The following APP variants were observed in gnomAD, a reference collection of about 807,000 sequenced individuals.
APP encodes the protein amyloid beta precursor protein.
In APP, 31 loss-of-function variants were observed where a neutral mutation model predicts 101.4. The observed-to-expected ratio is 0.31, with a 90% CI of 0.23 to 0.41. APP has a LOEUF of 0.41. Ranked by LOEUF, APP falls within the 10% of genes least tolerant of loss-of-function variation. The probability of loss-of-function intolerance (pLI) is 1.00; values close to 1 mark genes in which losing one functional copy is unlikely to be tolerated. For missense variants in APP, 839 were observed against 1,003.7 expected (o/e 0.84, Z 2.22); for synonymous variants, 366 against 364.4 (o/e 1.00, Z -0.05).
At chr21:26,126,941 T>C (rs1326453230) in intron 1 of APP, among the ~76,000 whole-genome samples, 1 of 149,274 alleles carries the variant, frequency 6.7e-6, no homozygotes, top group Non-Finnish European at 1.5e-5. Flanking sequence ...ATGTAAACTG[T>C]AAATCCTACA....
At chr21:25,956,210 A>T (rs138675996) in intron 11 of APP, among the ~76,000 whole-genome samples, 208 of 152,348 alleles carry the variant, frequency 1.4e-3, no homozygotes, top group African/African-American at 4.2e-3. Flanking sequence ...CAAAATGAGA[A>T]AAACAGGAAA....
intron 5 of APP, among the ~76,000 whole-genome samples, chr21:26,033,830 GGAGT>G (rs1310942255): frequency 1.3e-5 from 2 of 152,186 alleles, no homozygotes; most frequent in Non-Finnish European, 2.9e-5. Context: ...GGGGATGAAG[GGAGT>G]GAGTAAGAGG....
intron 1 of APP, among the ~76,000 whole-genome samples, chr21:26,129,141 C>T (rs2062741359): frequency 6.6e-6 from 1 of 152,038 alleles, no homozygotes; most frequent in Admixed American, 6.6e-5. Flanking sequence ...CAAAAGGGTA[C>T]AAGTCAAGAA....
chr21:25,946,637 G>T (rs749561478), intron 13 of APP, among the ~76,000 whole-genome samples: 1 of 152,036 alleles, frequency 6.6e-6, no homozygotes, highest in South Asian at 2.1e-4. Context: ...CTTCACTTCA[G>T]CCCGGGTGAC....
chr21:25,884,429 T>C (rs988600763), intron 17 of APP, among the ~76,000 whole-genome samples: 2 of 152,222 alleles, frequency 1.3e-5, no homozygotes, highest in African/African-American at 2.4e-5. Context: ...ATCACAGATA[T>C]TTTCCTTATC....
intron 6 of APP, among the ~76,000 whole-genome samples, chr21:26,011,984 C>T (rs1452167077): frequency 3.9e-5 from 6 of 152,080 alleles, no homozygotes; most frequent in South Asian, 4.2e-4. Flanking sequence ...CTAAATATAG[C>T]GTAACCTTTA....
chr21:26,098,081 G>GAAAA (rs757879199), intron 2 of APP, among the ~76,000 whole-genome samples: 32 of 54,234 alleles, frequency 5.9e-4, no homozygotes, highest in African/African-American at 8.2e-4. Flanking sequence ...CTCTGTCTCA[G>GAAAA]AAAAAAAAAA....
intron 2 of APP, among the ~76,000 whole-genome samples, chr21:26,103,546 G>C (rs1186103238): frequency 3.3e-5 from 5 of 152,036 alleles, no homozygotes; most frequent in African/African-American, 1.2e-4. Context: ...GGTTGCAGTG[G>C]GTTGACATCA....
At chr21:25,968,680 C>T (rs1031916926) in intron 11 of APP, among the ~76,000 whole-genome samples, 4 of 152,124 alleles carry the variant, frequency 2.6e-5, no homozygotes, top group Non-Finnish European at 4.4e-5. Flanking sequence ...TCTCATAACA[C>T]TTCCACGTTT....
chr21:26,041,924 A>G (rs1384898821), intron 5 of APP, among the ~76,000 whole-genome samples: 1 of 107,852 alleles, frequency 9.3e-6, no homozygotes, highest in African/African-American at 3.7e-5. Context: ...CGTCATTTTC[A>G]AATGAGTTCT....
intron 5 of APP, among the ~76,000 whole-genome samples, chr21:26,023,400 C>T (rs2044432219): frequency 6.8e-6 from 1 of 147,474 alleles, no homozygotes; most frequent in African/African-American, 2.5e-5. Context: ...AAAAGCCAGG[C>T]ATGGTGGTGT....
chr21:25,908,977 A>G (rs1046776607), intron 14 of APP, among the ~76,000 whole-genome samples: 6 of 152,074 alleles, frequency 3.9e-5, no homozygotes, highest in African/African-American at 1.2e-4. Context: ...TTAAAAACCA[A>G]TTGGGGCCGG....
intron 13 of APP, among the ~76,000 whole-genome samples, chr21:25,920,531 A>T (rs1171956988): frequency 1.3e-5 from 2 of 152,076 alleles, no homozygotes; most frequent in Non-Finnish European, 2.9e-5. Context: ...GGATGGAGGA[A>T]GATCTACCAA....
intron 6 of APP, among the ~76,000 whole-genome samples, chr21:26,005,596 C>G (rs929326928): frequency 6.6e-6 from 1 of 152,138 alleles, no homozygotes; most frequent in African/African-American, 2.4e-5. Context: ...AATCAAGATG[C>G]TCACCAAGTA....
chr21:25,956,258 T>G (rs982092043), intron 11 of APP, among the ~76,000 whole-genome samples: 18 of 152,336 alleles, frequency 1.2e-4, no homozygotes, highest in African/African-American at 4.3e-4. Flanking sequence ...GTAACTGAAC[T>G]GTAAGAGACA....
At chr21:26,025,084 G>A (rs114821319) in intron 5 of APP, among the ~76,000 whole-genome samples, 2,533 of 152,150 alleles carry the variant, frequency 0.017, 44 homozygotes, top group African/African-American at 0.041. Context: ...TTATCTCCTC[G>A]TAGAAATAAA....
At chr21:26,169,123 C>G (rs2063682402) in intron 1 of APP, 1 of 152,196 alleles carries the variant, frequency 6.6e-6, no homozygotes, top group Non-Finnish European at 1.5e-5. Flanking sequence ...CAAACAACTT[C>G]TAAGCATCTT....
At chr21:25,972,976 G>A (rs2042089747) in intron 11 of APP, among the ~76,000 whole-genome samples, 2 of 152,072 alleles carry the variant, frequency 1.3e-5, no homozygotes, top group South Asian at 4.1e-4. Context: ...AATATCATTT[G>A]AACTGACATA....
chr21:25,995,692 C>T (rs1397601104), intron 8 of APP, among the ~76,000 whole-genome samples: 1 of 152,170 alleles, frequency 6.6e-6, no homozygotes, highest in Non-Finnish European at 1.5e-5. Flanking sequence ...GTCTGTCAAC[C>T]CACTTGCTGT....
Sources: allele counts gnomAD v4.1 joint callset (sites outside exome capture counted in the v4.1 genomes callset), GRCh38; gene constraint gnomAD v4.1.1; transcripts MANE v1.5; gene names NCBI Gene and HGNC (gene_info 2026-07-23, HGNC 2026-07-21).